Variants in GRID2 observed in about 807,000 individuals in gnomAD.
GRID2 encodes the protein glutamate ionotropic receptor delta type subunit 2.
In GRID2, 33 loss-of-function variants were observed where a neutral mutation model predicts 114.8. The ratio of observed to expected loss-of-function variants is 0.29; its 90% CI spans 0.22 to 0.38. The LOEUF (loss-of-function observed/expected upper bound fraction) is 0.38, where lower values mean the gene tolerates loss of function less well. Ranked by LOEUF, GRID2 falls within the 10% of genes least tolerant of loss-of-function variation. GRID2 has a pLI of 1.00. For synonymous variants in GRID2, 505 were observed against 449.9 expected, an observed-to-expected ratio of 1.12 and a Z score of -1.55; for missense variants, 1,184 against 1,257.7, an observed-to-expected ratio of 0.94 and a Z score of 0.89.
intron 1 of GRID2, among the ~76,000 whole-genome samples, chr4:93,803,066 T>C (rs1272846699): frequency 6.6e-6 from 1 of 152,212 alleles, no homozygotes; most frequent in African/African-American, 2.4e-5. Context: ...AAAGGTAGAA[T>C]CCTCACATCC....
At chr4:93,414,324 C>T (rs1358469038) in intron 9 of GRID2, among the ~76,000 whole-genome samples, 3 of 152,104 alleles carry the variant, frequency 2.0e-5, no homozygotes, top group Non-Finnish European at 2.9e-5. Context: ...TATATCTGAT[C>T]ATGTCTCTCC....
intron 14 of GRID2, among the ~76,000 whole-genome samples, chr4:93,750,309 C>A (rs1361195322): frequency 6.6e-6 from 1 of 152,158 alleles, no homozygotes; most frequent in African/African-American, 2.4e-5. Context: ...ATCAGAATCC[C>A]CTTGGGAAAG....
At chr4:92,915,407 A>C (rs1402890956) in intron 2 of GRID2, among the ~76,000 whole-genome samples, 1 of 152,150 alleles carries the variant, frequency 6.6e-6, no homozygotes, top group Admixed American at 6.6e-5. Context: ...AGGATGGTCA[A>C]ATGTTCTGGT....
chr4:92,761,749 T>G (rs2149345672), intron 2 of GRID2, among the ~76,000 whole-genome samples: 1 of 152,204 alleles, frequency 6.6e-6, no homozygotes, highest in South Asian at 2.1e-4. Flanking sequence ...CCTTTCCTCT[T>G]TCTATCAATA....
At chr4:92,853,665 G>A (rs1743982593) in intron 2 of GRID2, among the ~76,000 whole-genome samples, 1 of 151,806 alleles carries the variant, frequency 6.6e-6, no homozygotes, top group Non-Finnish European at 1.5e-5. Flanking sequence ...AATTATTTTT[G>A]AGTGAATTTA....
chr4:93,697,130 G>C (rs577515325), intron 14 of GRID2, among the ~76,000 whole-genome samples: 1 of 152,150 alleles, frequency 6.6e-6, no homozygotes. Flanking sequence ...ATAAACACTG[G>C]GTTTCTGGAA....
chr4:93,402,983 G>A (rs71599280), intron 9 of GRID2, among the ~76,000 whole-genome samples: 149 of 152,198 alleles, frequency 9.8e-4, no homozygotes, highest in Non-Finnish European at 1.7e-3. Context: ...AGGTCCCAGC[G>A]TTTGAGCCTC....
chr4:93,118,082 C>T (rs1029845251), intron 4 of GRID2, among the ~76,000 whole-genome samples: 1 of 152,134 alleles, frequency 6.6e-6, no homozygotes, highest in Non-Finnish European at 1.5e-5. Flanking sequence ...ACTTCTATGA[C>T]TCTGCAGGTA....
At chr4:93,776,117 A>T (rs1734364066), downstream of GRID2, among the ~76,000 whole-genome samples, 1 of 152,198 alleles carries the variant, frequency 6.6e-6, no homozygotes, top group Non-Finnish European at 1.5e-5. Flanking sequence ...CATAGGTTTT[A>T]TCCTTAAATA....
chr4:93,728,597 C>A (rs908103357), intron 14 of GRID2, among the ~76,000 whole-genome samples: 2 of 152,096 alleles, frequency 1.3e-5, no homozygotes, highest in African/African-American at 4.8e-5. Context: ...GTTAAAGTCT[C>A]CCATTATTAT....
chr4:92,360,621 T>C (rs911584243), intron 1 of GRID2, among the ~76,000 whole-genome samples: 18 of 151,958 alleles, frequency 1.2e-4, no homozygotes, highest in Non-Finnish European at 2.2e-4. Flanking sequence ...CCCAGCATTG[T>C]TCAACGGTAT....
intron 1 of GRID2, among the ~76,000 whole-genome samples, chr4:92,389,099 A>C (rs984692427): frequency 1.3e-5 from 2 of 152,078 alleles, no homozygotes; most frequent in African/African-American, 2.4e-5. Flanking sequence ...CATAATGTTG[A>C]TAGTTTAGGA....
chr4:93,302,062 C>T (rs1024548954), intron 8 of GRID2, among the ~76,000 whole-genome samples: 1 of 151,934 alleles, frequency 6.6e-6, no homozygotes, highest in Non-Finnish European at 1.5e-5. Flanking sequence ...CTTATGAGAG[C>T]TCAGAGAAGG....
At position 93,678,057 on chromosome 4, in the gene GRID2, C is replaced by T. The variant is rs992610826; in HGVS notation, c.2360+51622C>T. ...AAATTTAGACGAATGGATAACTAGACTAACCAATACAGAGAAGTGCTTAAA... is the reference window on the plus strand; with the variant it reads ...AAATTTAGACGAATGGATAACTAGATTAACCAATACAGAGAAGTGCTTAAA... On this transcript the variant is annotated intron_variant, in intron 14 of 15. Coordinates refer to ENST00000282020, the MANE Select transcript of GRID2 (RefSeq NM_001510.4). Among the ~76,000 whole-genome samples, 21 of 152,150 alleles carry T rather than the reference C, an allele frequency of 1.4e-4. 1 individual carries two copies. Among genetic ancestry groups the T allele is most frequent in the Admixed American group, 5.9e-4 (9 of 15,278 alleles).
intron 8 of GRID2, among the ~76,000 whole-genome samples, chr4:93,321,855 C>G (rs1757251845): frequency 6.6e-6 from 1 of 151,798 alleles, no homozygotes; most frequent in African/African-American, 2.4e-5. Context: ...ATACAGGGAC[C>G]TAGAATATTT....
intron 7 of GRID2, among the ~76,000 whole-genome samples, chr4:93,232,766 G>A (rs1028151876): frequency 6.6e-6 from 1 of 151,896 alleles, no homozygotes; most frequent in African/African-American, 2.4e-5. Context: ...ATATCTCATA[G>A]AGTTATCTTG....
At chr4:93,342,694 A>T (rs1759790276) in intron 8 of GRID2, among the ~76,000 whole-genome samples, 1 of 152,220 alleles carries the variant, frequency 6.6e-6, no homozygotes, top group African/African-American at 2.4e-5. Flanking sequence ...ATTTTAGGAA[A>T]AGTGATAACT....
At chr4:93,146,095 G>C (rs1176965953) in intron 4 of GRID2, among the ~76,000 whole-genome samples, 1 of 151,958 alleles carries the variant, frequency 6.6e-6, no homozygotes, top group Non-Finnish European at 1.5e-5. Context: ...AATTCACTCA[G>C]CTCCAGGAAT....
intron 13 of GRID2, among the ~76,000 whole-genome samples, chr4:93,609,418 T>C (rs1740696651): frequency 1.4e-5 from 1 of 71,368 alleles, no homozygotes; most frequent in African/African-American, 5.8e-5. Context: ...AATGCCTAGG[T>C]TTTCTTCTAG....
Sources: allele counts gnomAD v4.1 joint callset (sites outside exome capture counted in the v4.1 genomes callset), GRCh38; gene constraint gnomAD v4.1.1; transcripts MANE v1.5; gene names NCBI Gene and HGNC (gene_info 2026-07-23, HGNC 2026-07-21).